FREM2: variants seen among roughly 807,000 people sequenced by gnomAD.
The protein encoded by FREM2 is FRAS1 related extracellular matrix 2, also known as FRAS1-related extracellular matrix protein 2.
FREM2 carries 119 observed loss-of-function variants against 219.9 expected under a neutral mutation model. The observed-to-expected ratio is 0.54, with a 90% confidence interval of 0.47 to 0.63. FREM2 has a LOEUF of 0.63. FREM2 is among the 30% of genes least tolerant of loss of function. FREM2 has a pLI of 0.00. For synonymous variants in FREM2, 1,562 were observed against 1,522.8 expected, an observed-to-expected ratio of 1.03 and a Z score of -0.60; for missense variants, 4,030 against 3,993.6, an observed-to-expected ratio of 1.01 and a Z score of -0.25.
chr13:38,752,229 C>T (rs1264928610), intron 2 of FREM2, among the ~76,000 whole-genome samples: 1 of 152,148 alleles, frequency 6.6e-6, no homozygotes, highest in African/African-American at 2.4e-5. Context: ...TTCTCTCCTT[C>T]CTTTTTGACA....
intron 2 of FREM2, among the ~76,000 whole-genome samples, chr13:38,734,738 CTTTTTTTTTTTT>C (rs11314517): frequency 5.6e-5 from 5 of 89,384 alleles, no homozygotes; most frequent in African/African-American, 2.2e-4. Flanking sequence ...CAGTGCTATA[CTTTTTTTTTTTT>C]TTTTTTTTTT....
intron 23 of FREM2, 60 bp from the exon 24 acceptor site, chr13:38,880,224 T>A: frequency 6.6e-7 from 1 of 1,508,922 alleles, no homozygotes; most frequent in Non-Finnish European, 9.2e-7. Flanking sequence ...TTGCAAAGAG[T>A]CGTGGATTAG....
rs533072792 is a variant in FREM2, at chr13:38,819,673, A to G, written c.6020-26900A>G. On this transcript the variant is annotated intron_variant, in intron 6 of 23. Transcript: ENST00000280481. ...ATATTTTTATATAATCATAGCTATC[A>G]TGAACACCTTCCAAGATGTGCTAAA... 3.3e-5 allele frequency among the ~76,000 whole-genome samples: 5 copies of G among 152,278 alleles called. No homozygotes were observed. In the South Asian group the frequency reaches 1.0e-3, roughly 32 times the overall value.
In FREM2 at chr13:38,689,705, A is replaced by C. The variant is rs761467748; in HGVS notation, c.2361A>C (p.Arg787Ser). Residue 787 changes from arginine to serine, a missense_variant, in exon 1 of 24, where the codon AGA (arginine) becomes AGC (serine). Around this residue, in one of 2 missense-constraint regions of FREM2, gnomAD observed 3,102 missense variants for 2,950.7 expected, o/e 1.05. Coordinates refer to ENST00000280481, the MANE Select transcript of FREM2 (RefSeq NM_207361.6). ...AQINHHKIAY[R>S]PPGQELGVAT... The stretch of plus-strand genomic sequence containing the variant: ...TCAACCATCATAAAATTGCTTACAG[A>C]CCCCCGGGTCAAGAACTGGGCGTGG... 5.0e-6 allele frequency: 8 copies of C among 1,613,658 alleles called. No individual in the cohort carries two copies. The highest frequency in any genetic ancestry group is 1.7e-6 in the Non-Finnish European group (2 of 1,179,894).
chr13:38,717,036 G>A (rs534871180), intron 2 of FREM2, among the ~76,000 whole-genome samples: 3 of 152,286 alleles, frequency 2.0e-5, no homozygotes, highest in African/African-American at 4.8e-5. Context: ...TTGACTAACC[G>A]TGAAGCAGAA....
chr13:38,878,426 C>T (rs1593460372), intron 22 of FREM2, 105 bp downstream of exon 22: 2 of 496,006 alleles, frequency 4.0e-6, no homozygotes, highest in Non-Finnish European at 6.9e-6. Flanking sequence ...CACTATAGTC[C>T]CAGCACTTTG....
rs965436810 is a variant in FREM2, at chr13:38,880,743, A to G, written c.9466A>G (p.Met3156Val). ...APKGSSSSEP[M>V]VPPQSHHNDS... Reference sequence around the variant, plus strand: ...GAAAGGCTCCAGCAGCAGTGAGCCCATGGTGCCCCCACAGAGCCATCACAA... The same window carrying G: ...GAAAGGCTCCAGCAGCAGTGAGCCCGTGGTGCCCCCACAGAGCCATCACAA... Residue 3156 changes from methionine to valine, a missense_variant, in exon 24 of 24, where the codon ATG (methionine) becomes GTG (valine). Around this residue, in one of 2 missense-constraint regions of FREM2, gnomAD observed 928 missense variants for 1,042.9 expected, o/e 0.89. Transcript: ENST00000280481. The G allele has an allele frequency of 6.2e-7, 1 of 1,614,196 alleles. No homozygotes were observed. Among genetic ancestry groups the G allele is most frequent in the Admixed American group, 1.7e-5 (1 of 60,030 alleles).
intron 2 of FREM2, among the ~76,000 whole-genome samples, chr13:38,739,759 A>G (rs147050758): frequency 3.4e-3 from 511 of 152,322 alleles, no homozygotes; most frequent in African/African-American, 0.012. Flanking sequence ...GGTGGTTCTA[A>G]GAGCAGGGAT....
chr13:38,842,653 G>A (rs891682811), intron 6 of FREM2, among the ~76,000 whole-genome samples: 14 of 152,170 alleles, frequency 9.2e-5, no homozygotes, highest in African/African-American at 3.1e-4. Flanking sequence ...TGGTCTATGC[G>A]CACTTGAGTA....
intron 6 of FREM2, among the ~76,000 whole-genome samples, chr13:38,815,119 A>G (rs537946510): frequency 1.3e-5 from 2 of 152,264 alleles, no homozygotes; most frequent in Admixed American, 1.3e-4. Flanking sequence ...CTGTGTACAC[A>G]TGGTTGCTAA....
chr13:38,687,660 G>T lies in FREM2; in HGVS notation c.316G>T (p.Ala106Ser). ...VLQVQPGDRC[A>S]VSVLDNDALA... ...GCAGGTGCAGCCCGGGGACCGCTGCGCGGTTTCGGTACTAGACAACGACGC... is the reference window on the plus strand; with the variant it reads ...GCAGGTGCAGCCCGGGGACCGCTGCTCGGTTTCGGTACTAGACAACGACGC... Residue 106 changes from alanine (A) to serine (S), a missense_variant, in exon 1 of 24, where the codon GCG (alanine) becomes TCG (serine). Physicochemically the swap from Ala to Ser is moderately conservative, Grantham distance 99. Around this residue, in one of 2 missense-constraint regions of FREM2, gnomAD observed 3,102 missense variants for 2,950.7 expected, o/e 1.05. Transcript: ENST00000280481. 6.2e-7 allele frequency: 1 copy of T among 1,605,768 alleles called. No homozygotes were observed.
chr13:38,692,302 A>G lies in FREM2; in HGVS notation c.4958A>G (p.Asn1653Ser), dbSNP rs778386529. 6.2e-7 allele frequency: 1 copy of G among 1,611,548 alleles called. No individual in the cohort carries two copies. Among genetic ancestry groups the G allele is most frequent in the Admixed American group, 1.7e-5 (1 of 59,780 alleles). The change falls in exon 1 of 24, where the codon AAC becomes AGC. Residue 1653 changes from asparagine (N) to serine (S), a missense_variant. Asn to Ser is a conservative substitution (Grantham distance 46). Coordinates refer to ENST00000280481, the MANE Select transcript of FREM2 (RefSeq NM_207361.6). ...VMKIQVLAVD[N>S]SVPQIAVNKG... ...AAGATCCAGGTCTTGGCTGTTGACA[A>G]CAGTGTCCCCCAAATCGCAGTGAAT...
intron 2 of FREM2, among the ~76,000 whole-genome samples, chr13:38,711,682 G>C (rs1245583325): frequency 6.6e-6 from 1 of 152,084 alleles, no homozygotes; most frequent in Admixed American, 6.5e-5. Context: ...TTCATGCATA[G>C]ATAGTTTTTA....
At chr13:38,794,861 G>C (rs1874706646) in intron 6 of FREM2, among the ~76,000 whole-genome samples, 1 of 151,956 alleles carries the variant, frequency 6.6e-6, no homozygotes, top group African/African-American at 2.4e-5. Flanking sequence ...TGCCACTTTT[G>C]ACCACTTTAC....
intron 6 of FREM2, among the ~76,000 whole-genome samples, chr13:38,839,309 T>G (rs1388150816): frequency 1.3e-5 from 2 of 152,150 alleles, no homozygotes; most frequent in Non-Finnish European, 2.9e-5. Flanking sequence ...ACAGCGAAGA[T>G]TGCTGCCTGC....
chr13:38,878,256 C>A lies in FREM2; in HGVS notation c.8794C>A (p.Pro2932Thr), dbSNP rs1370610253. 4 of 1,613,402 alleles carry A rather than the reference C, an allele frequency of 2.5e-6. No homozygotes were observed. Among genetic ancestry groups the A allele is most frequent in the African/African-American group, 1.3e-5 (1 of 74,828 alleles). The change falls in exon 22 of 24, where the codon CCA (proline) becomes ACA (threonine). Residue 2932 changes from proline (P) to threonine (T), a missense_variant. By Grantham distance (38) the Pro-to-Thr change is conservative. Around this residue, in one of 2 missense-constraint regions of FREM2, gnomAD observed 928 missense variants for 1,042.9 expected, o/e 0.89. Transcript: ENST00000280481. Reference protein sequence around the residue: ...GADGYVPKYSPMNAEYGCLAD... With the variant: ...GADGYVPKYSTMNAEYGCLAD... ...TGATGGCTATGTTCCCAAGTATAGT[C>A]CAATGAATGCAGAATATGGCTGCTT...
Position 38,688,162 on chromosome 13 carries a change from G to A in FREM2, c.818G>A (p.Arg273His), listed in dbSNP as rs201675703. The A allele has an allele frequency of 5.6e-6, 9 of 1,613,388 alleles. No individual in the cohort carries two copies. The highest frequency in any genetic ancestry group is 6.8e-6 in the Non-Finnish European group (8 of 1,179,798). Reference protein sequence around the residue: ...GVRYRHTAASRSPNRDWIPMV... With the variant: ...GVRYRHTAASHSPNRDWIPMV... ...CGCTATCGCCACACAGCCGCCAGTC[G>A]CTCACCAAACAGGGACTGGATACCC... is the stretch of plus-strand genomic sequence containing the variant. Residue 273 changes from arginine to histidine, a missense_variant, in exon 1 of 24, where the codon CGC (arginine) becomes CAC (histidine). Transcript: ENST00000280481.
At chr13:38,718,774 G>C (rs1435562105) in intron 2 of FREM2, among the ~76,000 whole-genome samples, 1 of 152,130 alleles carries the variant, frequency 6.6e-6, no homozygotes, top group Admixed American at 6.6e-5. Flanking sequence ...ATTTATGGTG[G>C]CAGGTTGGTA....
At chr13:38,823,807 G>T (rs1041261198) in intron 6 of FREM2, among the ~76,000 whole-genome samples, 4 of 152,082 alleles carry the variant, frequency 2.6e-5, no homozygotes, top group African/African-American at 7.2e-5. Context: ...GATGAGAGAA[G>T]TACCAGGGGA....
Sources: gnomAD v4.1 joint callset for allele counts (sites outside exome capture counted in the v4.1 genomes callset) on GRCh38, gnomAD v4.1.1 for gene constraint, gnomAD v4.1.1 regional missense constraint, MANE v1.5 for transcripts, NCBI Gene and HGNC (gene_info 2026-07-23, HGNC 2026-07-21) for gene names.